Variants in NOTCH1 observed in about 807,000 individuals in gnomAD.
NOTCH1 encodes the protein neurogenic locus notch homolog protein 1.
Under a neutral mutation model 254.8 loss-of-function variants are expected in NOTCH1, and 37 were observed. That is an observed-to-expected ratio of 0.15 (90% CI 0.11 to 0.19). The LOEUF is 0.19. NOTCH1 is among the 10% of genes least tolerant of loss of function. The pLI is 1.00. For missense variants in NOTCH1, 2,972 were observed against 3,708.6 expected (o/e 0.80, Z 5.16); for synonymous variants, 1,731 against 1,618.1 (o/e 1.07, Z -1.68).
chr9:136,498,088 C>T (rs181558903), intron 33 of NOTCH1, among the ~76,000 whole-genome samples: 7 of 152,292 alleles, frequency 4.6e-5, no homozygotes, highest in Admixed American at 4.6e-4. Context: ...GGCCTTGATG[C>T]CCTCTGGGGC....
Position 136,518,377 on chromosome 9 carries a change from A to G in NOTCH1, c.1100-85T>C, listed in dbSNP as rs116547005. The stretch of plus-strand genomic sequence containing the variant: ...ACGGCTGGGGTCCAACCCCACTGAC[A>G]CCCCAGGAGGAGCTGCCCGCCGTGA... On this transcript the variant is annotated intron_variant, in intron 6 of 33. Transcript: ENST00000651671. The G allele has an allele frequency of 4.2e-3, 6,312 of 1,520,312 alleles. 240 individuals carry two copies. In the African/African-American group the frequency reaches 0.076, roughly 18 times the overall value. 94.2% of individuals were successfully genotyped at this position (1,520,312 alleles called of 1,614,324 possible). A position where few individuals can be genotyped will look rare whatever the true frequency, so the allele number is the denominator to read the frequency against.
At position 136,504,974 on chromosome 9, in the gene NOTCH1, T is replaced by C. The variant is rs762492041; in HGVS notation, c.4717A>G (p.Thr1573Ala). 34 of 1,588,146 alleles carry C rather than the reference T, an allele frequency of 2.1e-5. 1 individual carries two copies. The East Asian group carries it at 7.8e-4, about 37-fold the overall frequency. ...EHVPERLAAGTLVVVVLMPPE... is the reference protein window; with the variant it reads ...EHVPERLAAGALVVVVLMPPE... ...GGCATCAGCACCACCACCACCAGCG[T>C]GCCGGCCGCCAGCCTCTCGGGTACA... Residue 1573 changes from threonine (T) to alanine (A), a missense_variant, in exon 26 of 34, where the codon ACG (threonine) becomes GCG (alanine). Transcript: ENST00000651671.
intron 2 of NOTCH1, among the ~76,000 whole-genome samples, chr9:136,533,733 C>G (rs538641806): frequency 6.6e-6 from 1 of 152,362 alleles, no homozygotes; most frequent in African/African-American, 2.4e-5. Flanking sequence ...CGGGCAGGCT[C>G]GGTGACCATG....
In NOTCH1 at chr9:136,505,381, A is replaced by G. The variant is rs2133338785; in HGVS notation, c.4515T>C (p.Cys1505=). 6.2e-7 allele frequency: 1 copy of G among 1,610,830 alleles called. No individual in the cohort carries two copies. The highest frequency in any genetic ancestry group is 8.5e-7 in the Non-Finnish European group (1 of 1,179,374). ...QCWKYFSDGH[C]DSQCNSAGCL... ...AGCCGGCTGAGTTGCACTGGCTGTC[A>G]CAGTGGCCGTCACTGAAGTACTTCC... is the stretch of plus-strand genomic sequence containing the variant. The change falls in exon 25 of 34, where the codon TGT becomes TGC. Residue 1505 remains cysteine, a synonymous_variant. Transcript: ENST00000651671.
Position 136,513,283 on chromosome 9 carries a change from A to G in NOTCH1, c.2353+109T>C. The G allele has an allele frequency of 6.5e-7, 1 of 1,546,578 alleles. No individual in the cohort carries two copies. The highest frequency in any genetic ancestry group is 8.9e-7 in the Non-Finnish European group (1 of 1,126,900). On this transcript the variant is annotated intron_variant, in intron 14 of 33. Coordinates refer to ENST00000651671, the MANE Select transcript of NOTCH1 (RefSeq NM_017617.5). The surrounding 1 kb of genome is among the most constrained non-coding windows in gnomAD (Gnocchi z 4.7). ...CCTGGAGCTAAGGCTTTGCCACGGG[A>G]GGGAGACACCATGCATGGTGCTGGC...
At chr9:136,504,558 C>T (rs1843046403) in intron 26 of NOTCH1, 115 bp downstream of exon 26, 2 of 1,159,894 alleles carry the variant, frequency 1.7e-6, no homozygotes, top group Admixed American at 2.9e-5. Flanking sequence ...TCTCTTTTAC[C>T]ATAAAGTGGG....
At position 136,540,876 on chromosome 9, in the gene NOTCH1, C is replaced by T. The variant is rs374586495; in HGVS notation, c.140+3148G>A. Among the ~76,000 whole-genome samples, 244 of 152,294 alleles carry T rather than the reference C, an allele frequency of 1.6e-3. No homozygotes were observed. The highest frequency in any genetic ancestry group is 5.6e-3 in the African/African-American group (232 of 41,548). ...ATCTTAGCTGCCCCCTGCCTCAACG[C>T]CCAGCCCAGACGCAGGCAGCCCTGG... On this transcript the variant is annotated intron_variant, in intron 2 of 33. Coordinates refer to ENST00000651671, the MANE Select transcript of NOTCH1 (RefSeq NM_017617.5). This position sits in a 1 kb window ranked among gnomAD's most constrained non-coding sequence, Gnocchi z 4.4.
chr9:136,500,914 G>A (rs191364166), intron 30 of NOTCH1, 67 bp from the exon 31 acceptor site: 1 of 1,503,352 alleles, frequency 6.7e-7, no homozygotes, highest in Non-Finnish European at 8.9e-7. Flanking sequence ...GGGGGAGGGG[G>A]GCAGCAGCCC....
In NOTCH1 at chr9:136,509,839, G is replaced by A. The variant is rs370797169; in HGVS notation, c.2863C>T (p.Arg955Cys). The change falls in exon 18 of 34, where the codon CGC (arginine) becomes TGC (cysteine). Residue 955 changes from arginine (R) to cysteine (C), a missense_variant. Transcript: ENST00000651671. Reference protein sequence around the residue: ...DINECASDPCRNGANCTDCVD... With the variant: ...DINECASDPCCNGANCTDCVD... Reference sequence around the variant, plus strand: ...CAGTCCGTGCAGTTGGCCCCGTTGCGGCAGGGGTCACTGGCACACTCGTTG... The same window carrying A: ...CAGTCCGTGCAGTTGGCCCCGTTGCAGCAGGGGTCACTGGCACACTCGTTG... The A allele has an allele frequency of 7.5e-5, 121 of 1,613,004 alleles. No homozygotes were observed. The highest frequency in any genetic ancestry group is 3.3e-4 in the Middle Eastern group (2 of 6,084).
Position 136,506,917 on chromosome 9 carries a change from G to C in NOTCH1, c.3700C>G (p.Arg1234Gly), listed in dbSNP as rs761304479. 1.2e-6 allele frequency: 2 copies of C among 1,611,354 alleles called. No individual in the cohort carries two copies. Among genetic ancestry groups the C allele is most frequent in the South Asian group, 1.1e-5 (1 of 90,854 alleles). ...CCGTTGTTAAAGCACTTGGGGCTCC[G>C]GGACACGGGGTCAACGGGGGGATTG... ...DCNPPVDPVSRSPKCFNNGTC... is the reference protein window; with the variant it reads ...DCNPPVDPVSGSPKCFNNGTC... The change falls in exon 23 of 34, where the codon CGG (arginine) becomes GGG (glycine). Residue 1234 changes from arginine (R) to glycine (G), a missense_variant. Arg to Gly is a moderately radical substitution (Grantham distance 125). Coordinates refer to ENST00000651671, the MANE Select transcript of NOTCH1 (RefSeq NM_017617.5). The surrounding 1 kb of genome is among the most constrained non-coding windows in gnomAD (Gnocchi z 4.5).
chr9:136,524,092 C>G, intron 2 of NOTCH1, 113 bp from the exon 3 acceptor site: 1 of 1,350,058 alleles, frequency 7.4e-7, no homozygotes, highest in East Asian at 2.5e-5. Context: ...ACCCCGGGCA[C>G]GGGCACAACG....
rs2133379100 is a variant in NOTCH1 at position 136,523,780 on chromosome 9, C to G, written c.340G>C (p.Gly114Arg). 6.2e-7 allele frequency: 1 copy of G among 1,611,834 alleles called. No homozygotes were observed. The highest frequency in any genetic ancestry group is 8.5e-7 in the Non-Finnish European group (1 of 1,179,666). ...AGCGTGAGCAGGTCGCAGGTGCCCC[C>G]GTTGCGGCAGGGGTTGGTGAGGCAG... ...NACLTNPCRN[G>R]GTCDLLTLTE... Residue 114 changes from glycine to arginine, a missense_variant, in exon 3 of 34, where the codon GGG (glycine) becomes CGG (arginine). Gly to Arg is a moderately radical substitution (Grantham distance 125). Coordinates refer to ENST00000651671, the MANE Select transcript of NOTCH1 (RefSeq NM_017617.5).
At position 136,496,504 on chromosome 9, in the gene NOTCH1, G is replaced by A; in HGVS notation, c.7235C>T (p.Pro2412Leu). 5 of 1,602,706 alleles carry A rather than the reference G, an allele frequency of 3.1e-6. No homozygotes were observed. The highest frequency in any genetic ancestry group is 4.2e-6 in the Non-Finnish European group (5 of 1,179,910). The change falls in exon 34 of 34, where the codon CCA becomes CTA. Residue 2412 changes from proline (P) to leucine (L), a missense_variant. By Grantham distance (98) the Pro-to-Leu change is moderately conservative. This residue lies in a region of NOTCH1 where 529 missense variants were observed against 529.2 expected (regional missense o/e 1.00). Coordinates refer to ENST00000651671, the MANE Select transcript of NOTCH1 (RefSeq NM_017617.5). ...GCCAAGGTGCGGCTGTGGTGGTGGT[G>A]GTGGCGGCTGCAGGCTTTGCTGCTG... is the stretch of plus-strand genomic sequence containing the variant. The part of the protein sequence containing the change: ...IQQQQSLQPP[P>L]PPPQPHLGVS...
intron 4 of NOTCH1, among the ~76,000 whole-genome samples, chr9:136,520,633 G>A (rs1360410832): frequency 6.6e-6 from 1 of 152,158 alleles, no homozygotes; most frequent in Non-Finnish European, 1.5e-5. Context: ...AGCTACTTGA[G>A]GGGCTGAGGC....
At chr9:136,510,453 G>C in intron 17 of NOTCH1, 200 bp downstream of exon 17, 1 of 667,690 alleles carries the variant, frequency 1.5e-6, no homozygotes, top group Non-Finnish European at 2.6e-6. Context: ...CGAAGTGCAG[G>C]GAGGAGCAAG....
intron 30 of NOTCH1, 78 bp from the exon 31 acceptor site, chr9:136,500,925 C>G (rs1298304457): frequency 1.4e-6 from 2 of 1,474,742 alleles, no homozygotes; most frequent in Non-Finnish European, 9.1e-7. Context: ...GCAGCAGCCC[C>G]AAGCTCAAGG....
In NOTCH1 at chr9:136,523,011, G is replaced by A. The variant is rs760005580; in HGVS notation, c.581C>T (p.Thr194Ile). The change falls in exon 4 of 34, where the codon ACC becomes ATC. Residue 194 changes from threonine (T) to isoleucine (I), a missense_variant. By Grantham distance (89) the Thr-to-Ile change is moderately conservative. Transcript: ENST00000651671. ...GTAGGAGCCGACCTCGTTGTGGCAG[G>A]TGCCTCCGTGGCGGCAAAGCCCGGG... The part of the protein sequence containing the change: ...QKPGLCRHGG[T>I]CHNEVGSYRC... 3.7e-5 allele frequency: 57 copies of A among 1,551,760 alleles called. No homozygotes were observed. The highest frequency in any genetic ancestry group is 4.3e-5 in the Non-Finnish European group (49 of 1,148,504).
chr9:136,528,448 GA>G (rs1843507030), intron 2 of NOTCH1, among the ~76,000 whole-genome samples: 7 of 105,966 alleles, frequency 6.6e-5, no homozygotes, highest in East Asian at 3.0e-4. Flanking sequence ...GTGAGGGGGG[GA>G]TGGGCAGGGA....
intron 27 of NOTCH1, chr9:136,502,890 A>G: frequency 4.8e-6 from 3 of 630,724 alleles, no homozygotes; most frequent in South Asian, 3.3e-5. Flanking sequence ...AGCCGTAATG[A>G]TTTTGAAATA....
Sources: gnomAD v4.1 joint callset for allele counts (sites outside exome capture counted in the v4.1 genomes callset) on GRCh38, gnomAD v4.1.1 for gene constraint, gnomAD v4.1.1 regional missense constraint, Gnocchi (gnomAD v3.1) non-coding constraint, MANE v1.5 for transcripts, NCBI Gene and HGNC (gene_info 2026-07-23, HGNC 2026-07-21) for gene names.